The following DISC1 variants were observed in gnomAD, a reference collection of about 807,000 sequenced individuals.
DISC1 encodes DISC1 scaffold protein.
A neutral mutation model predicts 84.5 loss-of-function variants in DISC1; 57 were observed. The ratio of observed to expected loss-of-function variants is 0.67; its 90% CI spans 0.55 to 0.84. The LOEUF is 0.84. Ranked by LOEUF, DISC1 falls within the 40% of genes least tolerant of loss-of-function variation. The pLI is 0.00. For synonymous variants in DISC1, 411 were observed against 415.2 expected, an observed-to-expected ratio of 0.99 and a Z score of 0.12; for missense variants, 1,000 against 1,057.8, an observed-to-expected ratio of 0.95 and a Z score of 0.76.
chr1:231,774,819 T>C, intron 6 of DISC1: 1 of 450,740 alleles, frequency 2.2e-6, no homozygotes, highest in Non-Finnish European at 4.5e-6. Flanking sequence ...GCTCAACAGG[T>C]CAGAGAGATT....
rs577270071 is a variant in DISC1 at position 231,815,681 on chromosome 1, T to C, written c.1793-2648T>C. Among the ~76,000 whole-genome samples, 12 of 149,202 alleles carry C rather than the reference T, an allele frequency of 8.0e-5. No homozygotes were observed. In the South Asian group the frequency reaches 2.3e-3, roughly 29 times the overall value. On this transcript the variant is annotated intron_variant, in intron 8 of 12. Coordinates refer to ENST00000439617, the MANE Select transcript of DISC1 (RefSeq NM_018662.3). ...TCAAACTGGAAGGTGGAGGTTGCAGTGAGCTGAGATCGTACCACTGCACTC... is the reference window on the plus strand; with the variant it reads ...TCAAACTGGAAGGTGGAGGTTGCAGCGAGCTGAGATCGTACCACTGCACTC...
chr1:231,717,378 G>A (rs1213470236), intron 3 of DISC1, among the ~76,000 whole-genome samples: 1 of 152,202 alleles, frequency 6.6e-6, no homozygotes, highest in African/African-American at 2.4e-5. Flanking sequence ...CTGCTTTGGT[G>A]TTGGTAGTGG....
At chr1:232,023,053 A>G (rs1205668055) in intron 11 of DISC1, among the ~76,000 whole-genome samples, 5 of 85,934 alleles carry the variant, frequency 5.8e-5, no homozygotes, top group Non-Finnish European at 1.1e-4. Flanking sequence ...AATTTCAGGT[A>G]AATTTTCTTC....
chr1:231,667,378 T>C (rs916252963), intron 1 of DISC1, among the ~76,000 whole-genome samples: 1 of 152,214 alleles, frequency 6.6e-6, no homozygotes, highest in Non-Finnish European at 1.5e-5. Flanking sequence ...TGACCTTTCC[T>C]GAGCCCTCCT....
intron 9 of DISC1, chr1:231,855,098 G>A (rs1424439008): frequency 1.0e-6 from 1 of 1,004,402 alleles, no homozygotes; most frequent in African/African-American, 1.7e-5. Context: ...TTTAGTGGAA[G>A]TATAAAAGAA....
chr1:231,731,395 C>T (rs4658938), intron 3 of DISC1, among the ~76,000 whole-genome samples: 1 of 152,150 alleles, frequency 6.6e-6, no homozygotes, highest in East Asian at 1.9e-4. Flanking sequence ...GCAAAAATTT[C>T]TAGGAAGAGG....
intron 9 of DISC1, among the ~76,000 whole-genome samples, chr1:231,928,760 TTGTTC>T (rs201923454): frequency 0.01 from 1,552 of 152,330 alleles, 14 homozygotes; most frequent in Non-Finnish European, 0.017. Flanking sequence ...TGTTGTGACT[TTGTTC>T]TCATTGGTTT....
intron 3 of DISC1, among the ~76,000 whole-genome samples, chr1:231,703,104 G>A (rs2066611216): frequency 6.6e-6 from 1 of 152,194 alleles, no homozygotes; most frequent in Non-Finnish European, 1.5e-5. Context: ...CCAAAAGGAG[G>A]TAGAAAATCC....
chr1:231,676,479 A>AT (rs1346384645), intron 1 of DISC1, among the ~76,000 whole-genome samples: 1 of 152,236 alleles, frequency 6.6e-6, no homozygotes, highest in African/African-American at 2.4e-5. Flanking sequence ...AAATCCAGAC[A>AT]TTTATGACCT....
chr1:231,983,807 T>C (rs1280950454), intron 10 of DISC1, among the ~76,000 whole-genome samples: 1 of 152,152 alleles, frequency 6.6e-6, no homozygotes, highest in African/African-American at 2.4e-5. Flanking sequence ...TGAGAGGCAA[T>C]AAACTGGCAT....
At chr1:231,831,784 G>A (rs61835437) in intron 9 of DISC1, among the ~76,000 whole-genome samples, 57,907 of 151,182 alleles carry the variant, frequency 0.38, 7,298 homozygotes, top group Admixed American at 0.45. Flanking sequence ...AAATATTGAC[G>A]TGTCGTCCTT....
chr1:231,905,671 G>A (rs546696015), intron 9 of DISC1, among the ~76,000 whole-genome samples: 109 of 152,132 alleles, frequency 7.2e-4, no homozygotes, highest in African/African-American at 2.6e-3. Context: ...CCAACTCAAA[G>A]CGACTAAGAG....
chr1:231,927,625 C>T (rs2090427099), intron 9 of DISC1, among the ~76,000 whole-genome samples: 1 of 152,162 alleles, frequency 6.6e-6, no homozygotes, highest in Non-Finnish European at 1.5e-5. Flanking sequence ...TTATGGGTAA[C>T]CATGCTTTGC....
intron 3 of DISC1, among the ~76,000 whole-genome samples, chr1:231,740,087 A>C (rs6659970): frequency 0.35 from 53,879 of 151,996 alleles, 12,006 homozygotes; most frequent in African/African-American, 0.63. Flanking sequence ...CAGCTGCCTG[A>C]AACGTGGCAG....
intron 9 of DISC1, among the ~76,000 whole-genome samples, chr1:231,887,372 C>T (rs1426240527): frequency 1.3e-5 from 2 of 152,164 alleles, no homozygotes; most frequent in Admixed American, 1.3e-4. Flanking sequence ...TTCTCCCTGG[C>T]ACCAAGGAGT....
intron 10 of DISC1, among the ~76,000 whole-genome samples, chr1:231,987,206 T>C (rs543747049): frequency 4.3e-4 from 65 of 152,372 alleles, no homozygotes; most frequent in African/African-American, 1.2e-3. Flanking sequence ...TTGCAGCCTT[T>C]ATGATACTTT....
At position 232,038,074 on chromosome 1, in the gene DISC1, T is replaced by A. The variant is rs1228507689; in HGVS notation, c.*1243T>A. ...CTCAGTAAAGCAATGCAATGCTCAG[T>A]AACACAGTGCAGTGCTCAATAAGGC... On this transcript the variant is annotated 3_prime_UTR_variant, in exon 13 of 13. Coordinates refer to ENST00000439617, the MANE Select transcript of DISC1 (RefSeq NM_018662.3). 2.0e-5 allele frequency: 3 copies of A among 151,346 alleles called. No individual in the cohort carries two copies. In the East Asian group the frequency reaches 5.8e-4, roughly 29 times the overall value. The allele number at this position is 151,346 out of a possible 1,614,324, so 9.4% of individuals were successfully genotyped here. A position where few individuals can be genotyped will look rare whatever the true frequency, so the allele number is the denominator to read the frequency against.
intron 11 of DISC1, among the ~76,000 whole-genome samples, chr1:232,025,664 T>C (rs1284408972): frequency 1.3e-5 from 2 of 149,726 alleles, no homozygotes; most frequent in Non-Finnish European, 3.0e-5. Context: ...TGGTGCAATC[T>C]CGGCTCACTG....
At chr1:231,998,178 A>G (rs1666196660) in intron 10 of DISC1, among the ~76,000 whole-genome samples, 1 of 152,258 alleles carries the variant, frequency 6.6e-6, no homozygotes, top group African/African-American at 2.4e-5. Context: ...GGCGAGCCAG[A>G]AGATCTCAGA....
Sources: allele counts gnomAD v4.1 joint callset (sites outside exome capture counted in the v4.1 genomes callset), GRCh38; gene constraint gnomAD v4.1.1; transcripts MANE v1.5; gene names NCBI Gene and HGNC (gene_info 2026-07-23, HGNC 2026-07-21).